Variants in ERC1 observed in about 807,000 individuals in gnomAD.
ERC1 encodes ELKS/RAB6-interacting/CAST family member 1.
ERC1 carries 56 observed loss-of-function variants against 132.0 expected under a neutral mutation model. The observed-to-expected ratio is 0.42, with a 90% CI of 0.34 to 0.53. The LOEUF (loss-of-function observed/expected upper bound fraction) is 0.53, where lower values mean the gene tolerates loss of function less well. ERC1 is among the 20% of genes least tolerant of loss of function. The pLI is 0.03. For missense variants in ERC1, 1,202 were observed against 1,349.9 expected (o/e 0.89, Z 1.72); for synonymous variants, 478 against 476.1 (o/e 1.00, Z -0.05).
In ERC1 at chr12:1,388,909, G is replaced by A. The variant is rs188194677; in HGVS notation, c.2925+16932G>A. ...ATTTCTTGGTTACACAAAGTCCACCGCAGATCTTGCCGGCTCTATGAGGAA... is the reference window on the plus strand; with the variant it reads ...ATTTCTTGGTTACACAAAGTCCACCACAGATCTTGCCGGCTCTATGAGGAA... On this transcript the variant is annotated intron_variant, in intron 16 of 18. Coordinates refer to ENST00000360905, the MANE Select transcript of ERC1 (RefSeq NM_178040.4). Among the ~76,000 whole-genome samples the A allele has an allele frequency of 2.6e-3, 395 of 152,230 alleles. 6 individuals carry two copies. Among genetic ancestry groups the A allele is most frequent in the Non-Finnish European group, 8.8e-4 (60 of 68,010 alleles).
intron 16 of ERC1, among the ~76,000 whole-genome samples, chr12:1,393,795 G>A (rs11061743): frequency 0.53 from 78,802 of 149,736 alleles, 23,712 homozygotes; most frequent in African/African-American, 0.84. Flanking sequence ...TGGGAGGCCG[G>A]GGCGGGCAGA....
intron 17 of ERC1, among the ~76,000 whole-genome samples, chr12:1,440,335 G>C (rs1235987186): frequency 6.8e-6 from 1 of 147,812 alleles, no homozygotes; most frequent in African/African-American, 2.5e-5. Context: ...CTCCCGAGTA[G>C]CTGGGACTAC....
At chr12:1,022,637 G>A (rs957264975) in intron 1 of ERC1, among the ~76,000 whole-genome samples, 2 of 152,082 alleles carry the variant, frequency 1.3e-5, no homozygotes, top group Admixed American at 6.6e-5. Context: ...ACCCCATGCT[G>A]TTCTGATAGT....
At chr12:1,244,578 G>A (rs2076044680) in intron 13 of ERC1, 1 of 452,094 alleles carries the variant, frequency 2.2e-6, no homozygotes, top group Non-Finnish European at 4.4e-6. Flanking sequence ...CAGGAGTGCA[G>A]TGGTGTGATC....
At chr12:1,414,027 C>A (rs1257466813) in intron 17 of ERC1, among the ~76,000 whole-genome samples, 1 of 152,116 alleles carries the variant, frequency 6.6e-6, no homozygotes, top group African/African-American at 2.4e-5. Flanking sequence ...AACCTAGATC[C>A]CTCCCATGCC....
chr12:1,055,380 A>G (rs1383012643), intron 2 of ERC1, among the ~76,000 whole-genome samples: 7 of 152,064 alleles, frequency 4.6e-5, no homozygotes, highest in Non-Finnish European at 8.8e-5. Context: ...GGGTTTTGCC[A>G]TGTTGCCCAG....
At chr12:1,115,091 A>G (rs566746095) in intron 6 of ERC1, among the ~76,000 whole-genome samples, 1 of 152,204 alleles carries the variant, frequency 6.6e-6, no homozygotes, top group Admixed American at 6.5e-5. Context: ...AATAATTAGT[A>G]TCTTTTTTAG....
intron 15 of ERC1, among the ~76,000 whole-genome samples, chr12:1,324,312 C>A (rs2082310066): frequency 6.6e-6 from 1 of 152,090 alleles, no homozygotes; most frequent in South Asian, 2.1e-4. Context: ...AAAGTCTACC[C>A]TAGGAGCAAC....
At chr12:992,209 T>C (rs534415658) in intron 1 of ERC1, among the ~76,000 whole-genome samples, 9 of 152,182 alleles carry the variant, frequency 5.9e-5, no homozygotes, top group Non-Finnish European at 1.3e-4. Context: ...ACCACCCTTT[T>C]ACAGGCTTTA....
At chr12:1,122,229 ATCTCTATCTGTGTC>A (rs1947482514) in intron 7 of ERC1, among the ~76,000 whole-genome samples, 1 of 46,024 alleles carries the variant, frequency 2.2e-5, no homozygotes, top group African/African-American at 1.3e-4. Context: ...CTCTATCTCT[ATCTCTATCTGTGTC>A]TCTATCTCTA....
intron 14 of ERC1, among the ~76,000 whole-genome samples, chr12:1,279,798 C>T (rs2078549915): frequency 6.6e-6 from 1 of 152,046 alleles, no homozygotes; most frequent in Non-Finnish European, 1.5e-5. Context: ...CGGGTTCAAG[C>T]AATTCTTCTG....
intron 12 of ERC1, among the ~76,000 whole-genome samples, chr12:1,235,545 A>G (rs1183532301): frequency 6.6e-6 from 1 of 152,246 alleles, no homozygotes; most frequent in Admixed American, 6.5e-5. Flanking sequence ...TAGCTATTTC[A>G]CAGAAGTGGA....
Position 1,429,202 on chromosome 12 carries a change from GC to G in ERC1, c.3025-15358del, listed in dbSNP as rs544448558. ...TTTTGCAGGAGGAGGGATTTGGCAA[GC>G]CTAGAAAGGTATTAGATTGTCTGTG... On this transcript the variant is annotated intron_variant, in intron 17 of 18. Coordinates refer to ENST00000360905, the MANE Select transcript of ERC1 (RefSeq NM_178040.4). Among the ~76,000 whole-genome samples the G allele has an allele frequency of 8.1e-4, 123 of 152,306 alleles. 3 individuals are homozygous for G. Among genetic ancestry groups the G allele is most frequent in the African/African-American group, 2.9e-3 (119 of 41,572 alleles).
intron 18 of ERC1, among the ~76,000 whole-genome samples, chr12:1,474,408 C>T (rs6489289): frequency 0.017 from 2,628 of 152,328 alleles, 83 homozygotes; most frequent in African/African-American, 0.06. Flanking sequence ...TCAATACATC[C>T]TCCCTTTCAC....
intron 12 of ERC1, among the ~76,000 whole-genome samples, chr12:1,216,409 T>C (rs944211870): frequency 1.8e-4 from 27 of 152,278 alleles, no homozygotes; most frequent in African/African-American, 5.8e-4. Context: ...CTCCAGCTGT[T>C]ACTTCTGTAT....
Position 1,194,445 on chromosome 12 carries a change from ATAAAT to A in ERC1, c.2351+4399_2351+4403del, listed in dbSNP as rs565541552. Reference sequence around the variant, plus strand: ...CAAAAAATGAATAAAATAAAATAAAATAAATTAAATAAAGTACTTAGAAGCGTACT... The same window carrying A: ...CAAAAAATGAATAAAATAAAATAAAATAAATAAAGTACTTAGAAGCGTACT... On this transcript the variant is annotated intron_variant, in intron 12 of 18. Coordinates refer to ENST00000360905, the MANE Select transcript of ERC1 (RefSeq NM_178040.4). 4.1e-3 allele frequency among the ~76,000 whole-genome samples: 619 copies of A among 152,236 alleles called. 8 individuals carry two copies. The highest frequency in any genetic ancestry group is 0.014 in the African/African-American group (564 of 41,532).
chr12:1,080,945 G>T (rs1266758845), intron 2 of ERC1, among the ~76,000 whole-genome samples: 1 of 150,670 alleles, frequency 6.6e-6, no homozygotes, highest in Non-Finnish European at 1.5e-5. Flanking sequence ...AAAAAAAAAA[G>T]ATTTTTTCAA....
At chr12:1,199,933 CAAAG>C (rs544751460) in intron 12 of ERC1, among the ~76,000 whole-genome samples, 194 of 148,834 alleles carry the variant, frequency 1.3e-3, no homozygotes, top group Middle Eastern at 6.8e-3. Flanking sequence ...TTTTGGAACA[CAAAG>C]AATGAATGAG....
At chr12:1,252,473 C>T (rs188536322) in intron 13 of ERC1, among the ~76,000 whole-genome samples, 1 of 152,294 alleles carries the variant, frequency 6.6e-6, no homozygotes, top group East Asian at 1.9e-4. Context: ...GTTTCTCATA[C>T]TCAGCTACCA....
Sources: gnomAD v4.1 joint callset for allele counts (sites outside exome capture counted in the v4.1 genomes callset) on GRCh38, gnomAD v4.1.1 for gene constraint, MANE v1.5 for transcripts, NCBI Gene and HGNC (gene_info 2026-07-23, HGNC 2026-07-21) for gene names.